The following ANKRD24 variants were observed in gnomAD, a reference collection of about 807,000 sequenced individuals.
ANKRD24 encodes ankyrin repeat domain 24, also known as ankyrin repeat domain-containing protein 24.
ANKRD24 carries 109 observed loss-of-function variants against 127.8 expected under a neutral mutation model. The ratio of observed to expected loss-of-function variants is 0.85; its 90% CI spans 0.73 to 1.00. ANKRD24 has a LOEUF of 1.00. Among genes scored for constraint, ANKRD24 ranks in the 50% least tolerant of loss-of-function variants. The pLI is 0.00. For missense variants in ANKRD24, 1,648 were observed against 1,570.2 expected, an observed-to-expected ratio of 1.05 and a Z score of -0.84; for synonymous variants, 743 against 671.1, an observed-to-expected ratio of 1.11 and a Z score of -1.66.
intron 7 of ANKRD24, chr19:4,207,012 C>T (rs1378132231): frequency 4.4e-5 from 25 of 573,040 alleles, no homozygotes; most frequent in Non-Finnish European, 6.8e-5. Context: ...CTCAAGCGGT[C>T]CTCCCGCTTC....
intron 2 of ANKRD24, among the ~76,000 whole-genome samples, chr19:4,188,569 A>C (rs975756235): frequency 6.6e-6 from 1 of 151,376 alleles, no homozygotes; most frequent in African/African-American, 2.4e-5. Context: ...TTTTGTACAG[A>C]TGGGGTGTAG....
Position 4,186,389 on chromosome 19 carries a change from G to T in ANKRD24, c.-36-1G>T. 6.4e-7 allele frequency: 1 copy of T among 1,572,264 alleles called. No homozygotes were observed. Among genetic ancestry groups the T allele is most frequent in the South Asian group, 1.2e-5 (1 of 85,348 alleles). The stretch of plus-strand genomic sequence containing the variant: ...CTTACCCCCACCCTTGCCCTCCTCA[G>T]GTGGCCTGTGGAGAGGAGAAACACA... On this transcript the variant is annotated splice_acceptor_variant, in intron 1 of 21. Coordinates refer to ENST00000318934, the MANE Select transcript of ANKRD24 (RefSeq NM_001393985.1). LOFTEE classifies it low-confidence loss of function (5UTR_SPLICE).
chr19:4,209,980 C>G, intron 11 of ANKRD24, 78 bp from the exon 12 acceptor site: 2 of 797,886 alleles, frequency 2.5e-6, no homozygotes, highest in South Asian at 1.6e-5. Flanking sequence ...CTGGGGCTGG[C>G]TGGGTTGGTT....
At chr19:4,206,819 G>A (rs1443459807) in intron 7 of ANKRD24, among the ~76,000 whole-genome samples, 1 of 152,176 alleles carries the variant, frequency 6.6e-6, no homozygotes, top group Non-Finnish European at 1.5e-5. Context: ...ATGAAATAAA[G>A]GAGCAGGGTC....
chr19:4,206,970 A>G (rs1406281474), intron 7 of ANKRD24: 1 of 508,156 alleles, frequency 2.0e-6, no homozygotes, highest in African/African-American at 1.9e-5. Context: ...CAGTGGTGCC[A>G]TCATGGTTCA....
At chr19:4,207,634 C>T (rs780056036) in intron 9 of ANKRD24, 27 bp downstream of exon 9, 3 of 1,608,936 alleles carry the variant, frequency 1.9e-6, no homozygotes, top group Non-Finnish European at 2.6e-6. Context: ...CCAGCCAGTC[C>T]ACCCTATGCT....
At chr19:4,203,429 CT>C (rs770690782) in intron 7 of ANKRD24, among the ~76,000 whole-genome samples, 40 of 152,024 alleles carry the variant, frequency 2.6e-4, no homozygotes, top group Non-Finnish European at 5.1e-4. Flanking sequence ...TCACTGCATC[CT>C]TGACCTCCCG....
chr19:4,194,557 A>G (rs552275168), intron 2 of ANKRD24, among the ~76,000 whole-genome samples: 1 of 152,250 alleles, frequency 6.6e-6, no homozygotes, highest in South Asian at 2.1e-4. Flanking sequence ...ACCATTCTCT[A>G]CGGAAACAGG....
In ANKRD24 at chr19:4,216,921, GGGAGCTGAGGCCACA is replaced by G. The variant is rs1383945424; in HGVS notation, c.1767_1781del (p.Glu590_Ala594del). On this transcript the variant is annotated inframe_deletion, in exon 18 of 22. Coordinates refer to ENST00000318934, the MANE Select transcript of ANKRD24 (RefSeq NM_001393985.1). ...CTGAGGCCACGGGAGCCGAGGCCAC[GGGAGCTGAGGCCACA>G]GGAGCCAAGGTCACAGAAACAAAAC... 1.4e-5 allele frequency: 23 copies of G among 1,609,660 alleles called. No homozygotes were observed. The highest frequency in any genetic ancestry group is 1.9e-5 in the Non-Finnish European group (22 of 1,178,050).
At chr19:4,186,546 C>A (rs1968075265) in intron 2 of ANKRD24, 85 bp downstream of exon 2, 12 of 1,426,812 alleles carry the variant, frequency 8.4e-6, no homozygotes, top group Non-Finnish European at 1.1e-5. Flanking sequence ...TCCACCCTTT[C>A]ATTCCAGTAC....
At chr19:4,184,113 G>A (rs1967906414) in intron 1 of ANKRD24, among the ~76,000 whole-genome samples, 1 of 152,190 alleles carries the variant, frequency 6.6e-6, no homozygotes, top group Non-Finnish European at 1.5e-5. Context: ...AGAGCCAGTT[G>A]GCCAACAGGC....
rs200496542 is a variant in ANKRD24 at position 4,216,642 on chromosome 19, C to T, written c.1482C>T (p.Ala494=). 31 of 1,606,806 alleles carry T rather than the reference C, an allele frequency of 1.9e-5. No individual in the cohort carries two copies. The Admixed American group carries it at 4.1e-4, about 21-fold the overall frequency. The change falls in exon 18 of 22, where the codon GCC becomes GCT. Residue 494 remains alanine, a synonymous_variant. Transcript: ENST00000318934. The part of the protein sequence containing the change: ...IPLALYDSLR[A]EFDQLRRQHA... ...TTGCCCTCTATGACTCTCTCCGGGC[C>T]GAGTTTGACCAGCTACGCAGGCAGC...
At chr19:4,183,717 C>G (rs1430463330) in intron 1 of ANKRD24, among the ~76,000 whole-genome samples, 1 of 152,020 alleles carries the variant, frequency 6.6e-6, no homozygotes, top group Admixed American at 6.6e-5. Context: ...AGTTCGAGAC[C>G]ACCCTGACCA....
At chr19:4,213,260 T>C (rs1969859334) in intron 15 of ANKRD24, among the ~76,000 whole-genome samples, 1 of 92,230 alleles carries the variant, frequency 1.1e-5, no homozygotes, top group Admixed American at 1.2e-4. Flanking sequence ...CTTTCCTTCT[T>C]TCCTTTCCTT....
Position 4,197,947 on chromosome 19 carries a change from G to A in ANKRD24, c.37-1736G>A, listed in dbSNP as rs149014655. ...CGAATGGGTGAGTGAACGAATGAATGAATGGGCGGGCCGGTGAATGAATGA... is the reference window on the plus strand; with the variant it reads ...CGAATGGGTGAGTGAACGAATGAATAAATGGGCGGGCCGGTGAATGAATGA... On this transcript the variant is annotated intron_variant, in intron 2 of 21. Coordinates refer to ENST00000318934, the MANE Select transcript of ANKRD24 (RefSeq NM_001393985.1). Among the ~76,000 whole-genome samples, 683 of 152,370 alleles carry A rather than the reference G, an allele frequency of 4.5e-3. 9 individuals carry two copies. Among genetic ancestry groups the A allele is most frequent in the African/African-American group, 0.015 (633 of 41,596 alleles).
chr19:4,186,155 G>T, intron 1 of ANKRD24: 1 of 963,646 alleles, frequency 1.0e-6, no homozygotes, highest in Non-Finnish European at 1.4e-6. Flanking sequence ...CCATGAGTTG[G>T]TCAAGAAAGG....
rs1299094931 is a variant in ANKRD24 at position 4,217,830 on chromosome 19, G to A, written c.2670G>A (p.Ala890=). The A allele has an allele frequency of 1.1e-5, 16 of 1,420,070 alleles. No individual in the cohort carries two copies. In the African/African-American group the frequency reaches 2.4e-4, roughly 21 times the overall value. 88.0% of individuals were successfully genotyped at this position (1,420,070 alleles called of 1,614,324 possible). Residue 890 remains alanine (A), a synonymous_variant, in exon 18 of 22, where the codon GCG becomes GCA. Coordinates refer to ENST00000318934, the MANE Select transcript of ANKRD24 (RefSeq NM_001393985.1). ...AAEARVAELP[A]ACEEARQGLA... is the part of the protein sequence containing the mutation. ...AGGCCCGAGTGGCTGAGCTGCCTGCGGCCTGCGAGGAGGCGCGGCAGGGCC... is the reference window on the plus strand; with the variant it reads ...AGGCCCGAGTGGCTGAGCTGCCTGCAGCCTGCGAGGAGGCGCGGCAGGGCC...
At position 4,199,489 on chromosome 19, in the gene ANKRD24, G is replaced by A. The variant is rs150831566; in HGVS notation, c.37-194G>A. ...GGCCTCCCCAGATGCTGGGACTACA[G>A]GCGTGAGCCTCCATGCTCAGCCCAG... On this transcript the variant is annotated intron_variant, in intron 2 of 21. Transcript: ENST00000318934. The surrounding 1 kb of genome is among the most constrained non-coding windows in gnomAD (Gnocchi z 5.2). 9.3e-5 allele frequency: 92 copies of A among 985,364 alleles called. 1 individual carries two copies. In the Middle Eastern group the frequency reaches 1.6e-3, roughly 17 times the overall value. The allele number at this position is 985,364 out of a possible 1,614,324, so 61.0% of individuals were successfully genotyped here.
intron 19 of ANKRD24, 145 bp from the exon 20 acceptor site, chr19:4,222,525 G>A: frequency 3.5e-6 from 3 of 854,446 alleles, no homozygotes; most frequent in East Asian, 3.1e-5. Context: ...GGCCAGACGT[G>A]GCCCTCAGGC....
Sources: gnomAD v4.1 joint callset for allele counts (sites outside exome capture counted in the v4.1 genomes callset) on GRCh38, gnomAD v4.1.1 for gene constraint, Gnocchi (gnomAD v3.1) non-coding constraint, MANE v1.5 for transcripts, NCBI Gene and HGNC (gene_info 2026-07-23, HGNC 2026-07-21) for gene names.